GABRG3: variants seen among roughly 807,000 people sequenced by gnomAD.
GABRG3 encodes the protein gamma-aminobutyric acid type A receptor subunit gamma3.
In GABRG3, 25 loss-of-function variants were observed where a neutral mutation model predicts 48.8. The ratio of observed to expected loss-of-function variants is 0.51; its 90% CI spans 0.37 to 0.72. GABRG3 has a LOEUF of 0.72. Among genes scored for constraint, GABRG3 ranks in the 30% least tolerant of loss-of-function variants. The probability of loss-of-function intolerance (pLI) is 0.00; values close to 1 mark genes in which losing one functional copy is unlikely to be tolerated. For missense variants in GABRG3, 394 were observed against 577.9 expected (o/e 0.68, Z 3.26); for synonymous variants, 227 against 217.6 (o/e 1.04, Z -0.38).
At chr15:27,337,371 T>G (rs1894010938) in intron 5 of GABRG3, among the ~76,000 whole-genome samples, 1 of 152,190 alleles carries the variant, frequency 6.6e-6, no homozygotes, top group Admixed American at 6.5e-5. Flanking sequence ...TTCAATACAG[T>G]CTATACAGAA....
chr15:27,074,922 C>CA (rs1448460742), intron 3 of GABRG3, among the ~76,000 whole-genome samples: 1 of 152,046 alleles, frequency 6.6e-6, no homozygotes, highest in Non-Finnish European at 1.5e-5. Flanking sequence ...CTGGAGGAGC[C>CA]ACTGTGTTTG....
chr15:27,322,534 A>T (rs752182511), intron 3 of GABRG3, among the ~76,000 whole-genome samples: 1 of 152,226 alleles, frequency 6.6e-6, no homozygotes, highest in Non-Finnish European at 1.5e-5. Flanking sequence ...ATGAGAAAAA[A>T]GTGGAAAATT....
At chr15:27,209,124 GATTTTGGAAC>G (rs924533155) in intron 3 of GABRG3, among the ~76,000 whole-genome samples, 5 of 152,154 alleles carry the variant, frequency 3.3e-5, no homozygotes, top group Admixed American at 6.5e-5. Flanking sequence ...GTCTGCGAGG[GATTTTGGAAC>G]ATTTGCATCA....
chr15:27,259,772 C>T (rs1406557548), intron 3 of GABRG3, among the ~76,000 whole-genome samples: 1 of 152,042 alleles, frequency 6.6e-6, no homozygotes, highest in African/African-American at 2.4e-5. Context: ...ACAATGGAGA[C>T]AAGATATTAT....
chr15:27,442,508 A>T (rs1428405749), intron 5 of GABRG3, among the ~76,000 whole-genome samples: 1 of 152,170 alleles, frequency 6.6e-6, no homozygotes. Flanking sequence ...TGGGGAGAGG[A>T]ACCCACCAAA....
At chr15:27,338,727 A>G (rs548671223) in intron 5 of GABRG3, among the ~76,000 whole-genome samples, 1 of 152,204 alleles carries the variant, frequency 6.6e-6, no homozygotes, top group African/African-American at 2.4e-5. Flanking sequence ...CTATGTTGCT[A>G]TCAGGCTTTG....
At chr15:27,385,916 A>G (rs1010815869) in intron 5 of GABRG3, among the ~76,000 whole-genome samples, 1 of 152,126 alleles carries the variant, frequency 6.6e-6, no homozygotes, top group African/African-American at 2.4e-5. Context: ...CCCCCTATGC[A>G]TGGGTTACAC....
intron 5 of GABRG3, among the ~76,000 whole-genome samples, 165 bp from the exon 6 acceptor site, chr15:27,480,485 A>G (rs1890072209): frequency 6.6e-6 from 1 of 152,204 alleles, no homozygotes; most frequent in African/African-American, 2.4e-5. Flanking sequence ...GCATTTAGCC[A>G]TTCATTTTTC....
In GABRG3 at chr15:27,094,135, G is replaced by T. The variant is rs184697272; in HGVS notation, c.270+67314G>T. Among the ~76,000 whole-genome samples the T allele has an allele frequency of 9.2e-5, 14 of 152,308 alleles. No homozygotes were observed. In the East Asian group the frequency reaches 2.5e-3, roughly 27 times the overall value. ...CAGCCCACAGACCTGAATTAAGCTG[G>T]CTGCTTCCACGAGTCCTGTCCTGGG... On this transcript the variant is annotated intron_variant, in intron 3 of 9. Coordinates refer to ENST00000615808, the MANE Select transcript of GABRG3 (RefSeq NM_033223.5).
chr15:27,139,564 C>G (rs1898068337), intron 3 of GABRG3, among the ~76,000 whole-genome samples: 1 of 152,184 alleles, frequency 6.6e-6, no homozygotes, highest in African/African-American at 2.4e-5. Context: ...GTAATCCAAT[C>G]AAGTTGACAC....
At chr15:27,307,889 A>T (rs1448339373) in intron 3 of GABRG3, among the ~76,000 whole-genome samples, 1 of 45,108 alleles carries the variant, frequency 2.2e-5, no homozygotes, top group African/African-American at 1.0e-4. Context: ...GTTTATATAT[A>T]AAATATATAT....
chr15:27,107,397 T>C (rs1897469388), intron 3 of GABRG3, among the ~76,000 whole-genome samples: 1 of 152,066 alleles, frequency 6.6e-6, no homozygotes, highest in Admixed American at 6.5e-5. Context: ...ATTTGGGAAA[T>C]GAAGCCTCCT....
intron 6 of GABRG3, among the ~76,000 whole-genome samples, chr15:27,487,182 CT>C (rs1890241436): frequency 6.6e-6 from 1 of 152,174 alleles, no homozygotes; most frequent in South Asian, 2.1e-4. Context: ...GAAAAAACCT[CT>C]TCTTGGTCTA....
At chr15:27,282,167 C>T (rs901930565) in intron 3 of GABRG3, among the ~76,000 whole-genome samples, 1 of 152,118 alleles carries the variant, frequency 6.6e-6, no homozygotes, top group Non-Finnish European at 1.5e-5. Context: ...TTTTGGTTTT[C>T]AGAAGCTTGA....
chr15:27,244,046 A>G (rs1479339565), intron 3 of GABRG3, among the ~76,000 whole-genome samples: 1 of 152,220 alleles, frequency 6.6e-6, no homozygotes, highest in African/African-American at 2.4e-5. Context: ...AGAAGACATC[A>G]TCTCTTAGCC....
rs57826540 is a variant in GABRG3, at chr15:26,976,121, CA to C, written c.54-868del. On this transcript the variant is annotated intron_variant, in intron 1 of 9. Coordinates refer to ENST00000615808, the MANE Select transcript of GABRG3 (RefSeq NM_033223.5). This position sits in a 1 kb window ranked among gnomAD's most constrained non-coding sequence, Gnocchi z 7.8. ...TTTAAAAAACCCAAAACTGCAGAAC[CA>C]AAAAAAAAAAAAGGGAAAACTAGCC... Among the ~76,000 whole-genome samples the C allele has an allele frequency of 0.15, 21,407 of 140,632 alleles. 1,516 individuals carry two copies. The highest frequency in any genetic ancestry group is 0.3 in the Middle Eastern group (85 of 280). The allele number at this position is 140,632 out of a possible 152,430, so 92.3% of individuals were successfully genotyped here.
chr15:26,972,965 C>G (rs1432503102), intron 1 of GABRG3, among the ~76,000 whole-genome samples: 2 of 152,170 alleles, frequency 1.3e-5, no homozygotes, highest in Non-Finnish European at 2.9e-5. Context: ...CTGGTGCAAG[C>G]AATGGAAACA....
intron 5 of GABRG3, among the ~76,000 whole-genome samples, chr15:27,445,907 T>A (rs896989531): frequency 1.3e-5 from 2 of 152,196 alleles, no homozygotes; most frequent in Non-Finnish European, 2.9e-5. Context: ...GACTTTTTTT[T>A]TTCCTATTGA....
chr15:27,303,764 A>ATACACACACATCTATG (rs1015095775), intron 3 of GABRG3, among the ~76,000 whole-genome samples: 2 of 151,394 alleles, frequency 1.3e-5, no homozygotes, highest in Non-Finnish European at 3.0e-5. Flanking sequence ...ATATATATAT[A>ATACACACACATCTATG]TACACACACA....
Sources: allele counts gnomAD v4.1 joint callset (sites outside exome capture counted in the v4.1 genomes callset), GRCh38; gene constraint gnomAD v4.1.1; non-coding constraint Gnocchi (gnomAD v3.1); transcripts MANE v1.5; gene names NCBI Gene and HGNC (gene_info 2026-07-23, HGNC 2026-07-21).